CSMD1: variants seen among roughly 807,000 people sequenced by gnomAD.
The protein encoded by CSMD1 is CUB and sushi domain-containing protein 1.
CSMD1 carries 213 observed loss-of-function variants against 417.5 expected under a neutral mutation model. That is an observed-to-expected ratio of 0.51 (90% CI 0.46 to 0.57). The LOEUF is 0.57. Among genes scored for constraint, CSMD1 ranks in the 20% least tolerant of loss-of-function variants. The pLI is 0.00. For synonymous variants in CSMD1, 2,862 were observed against 1,736.8 expected (o/e 1.65, Z -16.11); for missense variants, 6,923 against 4,529.7 (o/e 1.53, Z -15.17).
chr8:3,662,538 C>G (rs887481680), intron 7 of CSMD1, among the ~76,000 whole-genome samples: 6 of 152,180 alleles, frequency 3.9e-5, no homozygotes, highest in African/African-American at 1.4e-4. Flanking sequence ...GACTTAAAAT[C>G]CTTTTGGCTA....
rs1000258595 is a variant in CSMD1 at position 3,806,632 on chromosome 8, G to A, written c.819-52590C>T. Among the ~76,000 whole-genome samples, 2 of 152,290 alleles carry A rather than the reference G, an allele frequency of 1.3e-5. 1 individual carries two copies. The highest frequency in any genetic ancestry group is 6.8e-3 in the Middle Eastern group (2 of 294). On this transcript the variant is annotated intron_variant, in intron 5 of 69. Coordinates refer to ENST00000635120, the MANE Select transcript of CSMD1 (RefSeq NM_033225.6). ...CAACATCAATAATCAATGTAAGTCA[G>A]CTTCATATGTGCATCAGACAATGCG...
Position 4,164,773 on chromosome 8 carries a change from G to A in CSMD1, c.416-132674C>T, listed in dbSNP as rs537165987. Among the ~76,000 whole-genome samples, 206 of 152,098 alleles carry A rather than the reference G, an allele frequency of 1.4e-3. 1 individual carries two copies. Among genetic ancestry groups the A allele is most frequent in the African/African-American group, 4.9e-3 (202 of 41,488 alleles). ...TGCCTGTAGTCCTAGCTACCTGGGA[G>A]GCGGAGGCAGGAGAATGGCGTGAAA... On this transcript the variant is annotated intron_variant, in intron 3 of 69. Transcript: ENST00000635120.
At position 4,741,751 on chromosome 8, in the gene CSMD1, C is replaced by A. The variant is rs192772705; in HGVS notation, c.86-104193G>T. ...TAGTAGCTTGTTAGAAGTGGAGAGT[C>A]TCAGGCCCCAACCCAGACCTGCAGG... On this transcript the variant is annotated intron_variant, in intron 1 of 69. Transcript: ENST00000635120. 2.5e-3 allele frequency among the ~76,000 whole-genome samples: 380 copies of A among 152,222 alleles called. 1 individual carries two copies. The highest frequency in any genetic ancestry group is 8.8e-3 in the African/African-American group (365 of 41,546).
At chr8:2,973,974 G>T (rs976449888) in intron 56 of CSMD1, among the ~76,000 whole-genome samples, 1 of 138,592 alleles carries the variant, frequency 7.2e-6, no homozygotes, top group Admixed American at 6.8e-5. Context: ...AGAGGATGGT[G>T]GTAGAGGATG....
chr8:4,960,463 C>A (rs1377893043), intron 1 of CSMD1, among the ~76,000 whole-genome samples: 10 of 152,086 alleles, frequency 6.6e-5, no homozygotes, highest in Admixed American at 6.6e-5. Context: ...TGGGGATAAA[C>A]AAAGTACCAA....
chr8:4,290,134 G>A (rs971564360), intron 3 of CSMD1, among the ~76,000 whole-genome samples: 4 of 152,178 alleles, frequency 2.6e-5, no homozygotes, highest in Non-Finnish European at 2.9e-5. Flanking sequence ...CAAACAGGCA[G>A]GGAGTGGTGA....
intron 23 of CSMD1, among the ~76,000 whole-genome samples, chr8:3,319,265 A>T (rs1233986208): frequency 6.6e-6 from 1 of 152,214 alleles, no homozygotes; most frequent in African/African-American, 2.4e-5. Flanking sequence ...CGAGCATTTG[A>T]TTAACTAGTG....
At chr8:4,378,141 T>A (rs546627449) in intron 3 of CSMD1, among the ~76,000 whole-genome samples, 1 of 152,234 alleles carries the variant, frequency 6.6e-6, no homozygotes, top group Non-Finnish European at 1.5e-5. Context: ...TGTACATGCT[T>A]CAATATTTCC....
At chr8:3,360,915 C>A (rs1476238796) in intron 20 of CSMD1, among the ~76,000 whole-genome samples, 1 of 150,468 alleles carries the variant, frequency 6.6e-6, no homozygotes, top group Non-Finnish European at 1.5e-5. Context: ...GATCTCATAC[C>A]TGCACTTTTA....
chr8:4,129,211 T>C (rs1182352536), intron 3 of CSMD1, among the ~76,000 whole-genome samples: 1 of 152,200 alleles, frequency 6.6e-6, no homozygotes, highest in Non-Finnish European at 1.5e-5. Flanking sequence ...TATGTTCAAA[T>C]TCAGCAGATT....
rs371598511 is a variant in CSMD1, at chr8:4,913,598, T to A, written c.85+80734A>T. 1.0e-3 allele frequency among the ~76,000 whole-genome samples: 154 copies of A among 152,306 alleles called. 6 individuals are homozygous for A. In the South Asian group the frequency reaches 0.031, roughly 31 times the overall value. On this transcript the variant is annotated intron_variant, in intron 1 of 69. Coordinates refer to ENST00000635120, the MANE Select transcript of CSMD1 (RefSeq NM_033225.6). ...CACAGCTCATTTAATAATGCTCCCA[T>A]CCATATGTTTTGCAGTAGGTGTTGC...
At chr8:3,946,589 T>A (rs1333380419) in intron 5 of CSMD1, among the ~76,000 whole-genome samples, 1 of 152,132 alleles carries the variant, frequency 6.6e-6, no homozygotes, top group Non-Finnish European at 1.5e-5. Flanking sequence ...AAATGATACA[T>A]CCTTTTGGGC....
intron 1 of CSMD1, among the ~76,000 whole-genome samples, chr8:4,648,304 T>C (rs907951295): frequency 6.6e-6 from 1 of 152,186 alleles, no homozygotes; most frequent in Non-Finnish European, 1.5e-5. Context: ...GTTTATCTTG[T>C]TCCTGCTTCC....
At chr8:4,470,144 A>T (rs1040820784) in intron 2 of CSMD1, among the ~76,000 whole-genome samples, 1 of 152,054 alleles carries the variant, frequency 6.6e-6, no homozygotes, top group African/African-American at 2.4e-5. Flanking sequence ...GGCTGGGATT[A>T]CAGGTGGCCT....
chr8:4,844,653 T>A (rs1050285050), intron 1 of CSMD1, among the ~76,000 whole-genome samples: 1 of 152,182 alleles, frequency 6.6e-6, no homozygotes, highest in Admixed American at 6.5e-5. Flanking sequence ...AAAAATATAA[T>A]TTTTTAGGAT....
At chr8:3,900,760 GT>G (rs1273989809) in intron 5 of CSMD1, among the ~76,000 whole-genome samples, 1 of 151,740 alleles carries the variant, frequency 6.6e-6, no homozygotes, top group Non-Finnish European at 1.5e-5. Flanking sequence ...CTGGGTGACA[GT>G]ACAGCTGGGT....
intron 2 of CSMD1, among the ~76,000 whole-genome samples, chr8:4,462,397 A>G (rs1799888349): frequency 6.6e-6 from 1 of 152,158 alleles, no homozygotes; most frequent in Non-Finnish European, 1.5e-5. Context: ...AAGACTTAAT[A>G]TAGATAAGAT....
chr8:3,821,419 T>C (rs567027085), intron 5 of CSMD1, among the ~76,000 whole-genome samples: 2 of 152,346 alleles, frequency 1.3e-5, no homozygotes, highest in Admixed American at 6.5e-5. Flanking sequence ...ATGTGGATTA[T>C]GCATTCTGCT....
intron 7 of CSMD1, among the ~76,000 whole-genome samples, chr8:3,642,486 C>T (rs1396370993): frequency 6.6e-6 from 1 of 152,158 alleles, no homozygotes; most frequent in Admixed American, 6.5e-5. Context: ...CCCAAGCAAA[C>T]ACAAATCCTC....
Sources: allele counts gnomAD v4.1 joint callset (sites outside exome capture counted in the v4.1 genomes callset), GRCh38; gene constraint gnomAD v4.1.1; transcripts MANE v1.5; gene names NCBI Gene and HGNC (gene_info 2026-07-23, HGNC 2026-07-21).